Variants in TFR2 observed in about 807,000 individuals in gnomAD.
The protein encoded by TFR2 is transferrin receptor protein 2.
TFR2 carries 64 observed loss-of-function variants against 91.9 expected under a neutral mutation model. That is an observed-to-expected ratio of 0.70 (90% CI 0.57 to 0.86). The LOEUF (loss-of-function observed/expected upper bound fraction) is 0.86, where lower values mean the gene tolerates loss of function less well. Ranked by LOEUF, TFR2 falls within the 40% of genes least tolerant of loss-of-function variation. The pLI is 0.00. For missense variants in TFR2, 950 were observed against 1,080.5 expected (o/e 0.88, Z 1.69); for synonymous variants, 454 against 459.6 (o/e 0.99, Z 0.15).
chr7:100,633,305 G>T lies in TFR2; in HGVS notation c.650C>A (p.Ala217Asp), dbSNP rs1209609180. The T allele has an allele frequency of 2.4e-5, 38 of 1,613,516 alleles. No individual in the cohort carries two copies. Among genetic ancestry groups the T allele is most frequent in the Non-Finnish European group, 3.1e-5 (36 of 1,179,848 alleles). Residue 217 changes from alanine to aspartate, a missense_variant, in exon 5 of 18, where the codon GCC becomes GAC. Coordinates refer to ENST00000223051, the MANE Select transcript of TFR2 (RefSeq NM_003227.4). Reference protein sequence around the residue: ...HPNTLHWVDEAGKVGEQLPLE... With the variant: ...HPNTLHWVDEDGKVGEQLPLE... ...CGGCAGCTGCTCTCCGACCTTCCCG[G>T]CCTCATCGACCCAGTGCAGGGTGTT...
chr7:100,638,339 C>T (rs537422397), intron 3 of TFR2, among the ~76,000 whole-genome samples: 6 of 151,542 alleles, frequency 4.0e-5, no homozygotes, highest in South Asian at 2.1e-4. Flanking sequence ...AGGCTGGGTG[C>T]GGTACCTCAT....
chr7:100,631,234 G>A (rs909400629), intron 8 of TFR2, among the ~76,000 whole-genome samples, 182 bp from the exon 9 acceptor site: 12 of 151,896 alleles, frequency 7.9e-5, no homozygotes, highest in African/African-American at 2.9e-4. Flanking sequence ...AGGTAGGTGT[G>A]CAATCCAGTG....
At chr7:100,626,576 G>A (rs540370991) in intron 17 of TFR2, 187 bp downstream of exon 17, 547 of 1,414,250 alleles carry the variant, frequency 3.9e-4, no homozygotes, top group Non-Finnish European at 4.7e-4. Flanking sequence ...CACTTTGATC[G>A]CTCGGGTCCT....
rs1803510959 is a variant in TFR2 at position 100,633,505 on chromosome 7, CAG to C, written c.523_524del (p.Leu175AspfsTer41). 8 of 1,610,674 alleles carry C rather than the reference CAG, an allele frequency of 5.0e-6. No homozygotes were observed. Among genetic ancestry groups the C allele is most frequent in the Non-Finnish European group, 6.8e-6 (8 of 1,179,874 alleles). Reference sequence around the variant, plus strand: ...AGAGCGCCGCGCGAATGTCCTGAGTCAGAGCGGCCATCCCGGCCGAGCCTGCC... The same window carrying C: ...AGAGCGCCGCGCGAATGTCCTGAGTCAGCGGCCATCCCGGCCGAGCCTGCC... ...RVAGSAGMAALTQDIRAALSR... is the reference protein window; with the variant it reads ...RVAGSAGMAAXTQDIRAALSR... On this transcript the variant is annotated frameshift_variant, in exon 4 of 18. Transcript: ENST00000223051. LOFTEE classifies it high-confidence loss of function.
At chr7:100,629,408 T>A (rs761211765) in intron 9 of TFR2, 36 bp from the exon 10 acceptor site, 1 of 1,611,840 alleles carries the variant, frequency 6.2e-7, no homozygotes, top group Non-Finnish European at 8.5e-7. Context: ...CTTCTGACAC[T>A]GCACCCTGCA....
chr7:100,633,685 C>G, intron 3 of TFR2, 129 bp from the exon 4 acceptor site: 1 of 977,890 alleles, frequency 1.0e-6, no homozygotes. Context: ...GAAAAGAGCG[C>G]TCCCCGCGGA....
chr7:100,633,259 G>GT lies in TFR2; in HGVS notation c.695dup (p.Tyr232Ter). ...CGTTGCCGATGGCGCTGTAGGGGCAGTAGACGTCAGGGTCCTCCAGCGGCA... is the reference window on the plus strand; with the variant it reads ...CGTTGCCGATGGCGCTGTAGGGGCAGTTAGACGTCAGGGTCCTCCAGCGGCA... ...EQLPLEDPDV[Y>*]CPYSAIGNVT... is the part of the protein sequence containing the mutation. Residue 232 changes from tyrosine to a stop codon, truncating the protein, a stop_gained and frameshift_variant, in exon 5 of 18, where the codon TAC becomes TAAC. Coordinates refer to ENST00000223051, the MANE Select transcript of TFR2 (RefSeq NM_003227.4). LOFTEE classifies it high-confidence loss of function. 1 of 1,613,848 alleles carries GT rather than the reference G, an allele frequency of 6.2e-7. No homozygotes were observed. Among genetic ancestry groups the GT allele is most frequent in the Non-Finnish European group, 8.5e-7 (1 of 1,179,870 alleles).
chr7:100,627,619 C>T lies in TFR2; in HGVS notation c.1725G>A (p.Thr575=), dbSNP rs144723097. 1.2e-5 allele frequency: 19 copies of T among 1,614,006 alleles called. No individual in the cohort carries two copies. The highest frequency in any genetic ancestry group is 1.7e-5 in the Admixed American group (1 of 59,988). ...CGACGGCAGGGACTCCCACAAAGGC[C>T]GTGAAGGAATAGGCACTGCTGTCCA... The part of the protein sequence containing the change: ...LPMDSSAYSF[T]AFVGVPAVEF... The change falls in exon 15 of 18, where the codon ACG becomes ACA. Residue 575 remains threonine, a synonymous_variant. Coordinates refer to ENST00000223051, the MANE Select transcript of TFR2 (RefSeq NM_003227.4).
rs749202899 is a variant in TFR2, at chr7:100,631,925, G to A, written c.987C>T (p.Asp329=). The change falls in exon 8 of 18, where the codon GAC becomes GAT. Residue 329 remains aspartate, a synonymous_variant. Transcript: ENST00000223051. ...AGGAAGGGAAGCCAGGTGTGTAGGG[G>A]TCTCCAGTTCCCAGGTGCACCTGCA... ...VYGHVHLGTG[D]PYTPGFPSFN... The A allele has an allele frequency of 6.8e-6, 11 of 1,613,922 alleles. No individual in the cohort carries two copies. The highest frequency in any genetic ancestry group is 1.3e-5 in the African/African-American group (1 of 74,902).
At position 100,633,344 on chromosome 7, in the gene TFR2, G is replaced by A; in HGVS notation, c.615-4C>T. 6.2e-7 allele frequency: 1 copy of A among 1,612,406 alleles called. No homozygotes were observed. The highest frequency in any genetic ancestry group is 1.1e-5 in the South Asian group (1 of 91,044). ...GTGCAGGGTGTTGGGGTGAGCCCTG[G>A]GGAGCGGGGCTGGTGAGCGCCCCGA... On this transcript the variant is annotated splice_region_variant and splice_polypyrimidine_tract_variant and intron_variant, in intron 4 of 17. Transcript: ENST00000223051.
chr7:100,641,275 G>A (rs1263823337), intron 1 of TFR2, 47 bp from the exon 2 acceptor site: 3 of 1,529,260 alleles, frequency 2.0e-6, no homozygotes, highest in East Asian at 2.5e-5. Context: ...GGCCTGGGGG[G>A]TGGGGAGGCA....
chr7:100,628,338 G>C, intron 10 of TFR2, 32 bp from the exon 11 acceptor site: 1 of 1,608,356 alleles, frequency 6.2e-7, no homozygotes, highest in Non-Finnish European at 8.5e-7. Context: ...GACAGGCTTA[G>C]CAGGGGCCAA....
intron 8 of TFR2, 138 bp from the exon 9 acceptor site, chr7:100,631,190 T>C: frequency 9.8e-7 from 1 of 1,015,876 alleles, no homozygotes. Context: ...GGTAGGGCAG[T>C]GCAGTCAGGG....
At chr7:100,638,926 G>C (rs954868051) in intron 3 of TFR2, among the ~76,000 whole-genome samples, 1 of 151,902 alleles carries the variant, frequency 6.6e-6, no homozygotes. Context: ...ATAAAGCCCT[G>C]AACATTGTTG....
At chr7:100,639,350 A>G (rs1803644115) in intron 3 of TFR2, among the ~76,000 whole-genome samples, 1 of 152,246 alleles carries the variant, frequency 6.6e-6, no homozygotes, top group Non-Finnish European at 1.5e-5. Context: ...CTGGGTGATA[A>G]GAGGGAGACT....
chr7:100,626,627 G>T (rs1249522749), intron 17 of TFR2, 136 bp downstream of exon 17: 2 of 1,474,992 alleles, frequency 1.4e-6, no homozygotes, highest in Non-Finnish European at 1.8e-6. Flanking sequence ...TCCAGGACTG[G>T]GAAGAGAGCA....
rs754200714 is a variant in TFR2, at chr7:100,629,303, G to A, written c.1340C>T (p.Thr447Met). The stretch of plus-strand genomic sequence containing the variant: ...CCGCACCAGCTCCAGGAGTATAGCC[G>A]TCCCCACAGCGGATTTAGCTGCTCC... Reference protein sequence around the residue: ...GPGAAKSAVGTAILLELVRTF... With the variant: ...GPGAAKSAVGMAILLELVRTF... The change falls in exon 10 of 18, where the codon ACG becomes ATG. Residue 447 changes from threonine (T) to methionine (M), a missense_variant. Thr to Met is a moderately conservative substitution (Grantham distance 81, BLOSUM62 -1). Coordinates refer to ENST00000223051, the MANE Select transcript of TFR2 (RefSeq NM_003227.4). 3.1e-6 allele frequency: 5 copies of A among 1,614,132 alleles called. No homozygotes were observed. The highest frequency in any genetic ancestry group is 1.6e-4 in the Middle Eastern group (1 of 6,062).
At chr7:100,628,386 C>T in intron 10 of TFR2, 80 bp from the exon 11 acceptor site, 1 of 1,369,328 alleles carries the variant, frequency 7.3e-7, no homozygotes, top group Non-Finnish European at 1.0e-6. Context: ...GTCCTGGTCC[C>T]CCAGGGTCTC....
At chr7:100,628,389 A>G in intron 10 of TFR2, 83 bp from the exon 11 acceptor site, 1 of 1,363,938 alleles carries the variant, frequency 7.3e-7, no homozygotes, top group Non-Finnish European at 1.0e-6. Flanking sequence ...CTGGTCCCCC[A>G]GGGTCTCTGT....
Sources: allele counts gnomAD v4.1 joint callset (sites outside exome capture counted in the v4.1 genomes callset), GRCh38; gene constraint gnomAD v4.1.1; transcripts MANE v1.5; gene names NCBI Gene and HGNC (gene_info 2026-07-23, HGNC 2026-07-21).